Variants in PACRG observed in about 807,000 individuals in gnomAD.
PACRG encodes the protein parkin coregulated gene protein.
PACRG carries 29 observed loss-of-function variants against 29.7 expected under a neutral mutation model. The ratio of observed to expected loss-of-function variants is 0.98; its 90% CI spans 0.73 to 1.33. The LOEUF is 1.33. Among genes scored for constraint, PACRG ranks in the 40% most tolerant of loss-of-function variants. The pLI is 0.00. For synonymous variants in PACRG, 116 were observed against 118.7 expected, an observed-to-expected ratio of 0.98 and a Z score of 0.15; for missense variants, 279 against 316.2, an observed-to-expected ratio of 0.88 and a Z score of 0.89.
intron 2 of PACRG, among the ~76,000 whole-genome samples, chr6:162,976,949 A>C (rs1562796577): frequency 6.6e-6 from 1 of 152,138 alleles, no homozygotes; most frequent in African/African-American, 2.4e-5. Context: ...TTGATAACCA[A>C]TTGGAAATGA....
intron 2 of PACRG, among the ~76,000 whole-genome samples, chr6:162,856,602 C>T (rs1791421221): frequency 6.6e-6 from 1 of 151,820 alleles, no homozygotes; most frequent in Non-Finnish European, 1.5e-5. Flanking sequence ...AGAAAAAAAT[C>T]TCTCCACACA....
At chr6:163,057,290 T>A (rs1810679016) in intron 2 of PACRG, among the ~76,000 whole-genome samples, 2 of 152,210 alleles carry the variant, frequency 1.3e-5, no homozygotes, top group Admixed American at 1.3e-4. Flanking sequence ...TGGTCTCTAG[T>A]TTCCCCGTTT....
chr6:162,778,422 G>T (rs528409921), intron 1 of PACRG, among the ~76,000 whole-genome samples: 11 of 152,198 alleles, frequency 7.2e-5, no homozygotes, highest in East Asian at 1.9e-4. Context: ...TAACAAACAC[G>T]TTTAAAGCAC....
At chr6:163,289,927 A>C (rs2128186604) in intron 4 of PACRG, among the ~76,000 whole-genome samples, 1 of 151,826 alleles carries the variant, frequency 6.6e-6, no homozygotes, top group East Asian at 1.9e-4. Context: ...GGCTCACCGC[A>C]ACCTCCGCCT....
At chr6:162,863,118 G>C (rs974760658) in intron 2 of PACRG, among the ~76,000 whole-genome samples, 4 of 152,184 alleles carry the variant, frequency 2.6e-5, no homozygotes, top group African/African-American at 4.8e-5. Flanking sequence ...TGCACACACT[G>C]CATCCACAGG....
intron 2 of PACRG, among the ~76,000 whole-genome samples, chr6:162,959,961 C>A (rs1003447229): frequency 6.6e-6 from 1 of 152,108 alleles, no homozygotes; most frequent in African/African-American, 2.4e-5. Context: ...TAAACAGAAA[C>A]TTCTCAAAAG....
chr6:162,968,120 G>A (rs1801205077), intron 2 of PACRG, among the ~76,000 whole-genome samples: 1 of 152,214 alleles, frequency 6.6e-6, no homozygotes, highest in East Asian at 1.9e-4. Context: ...AATTAAGTAG[G>A]TGAATGAATC....
chr6:162,928,953 C>A (rs80102798), intron 2 of PACRG, among the ~76,000 whole-genome samples: 4 of 151,924 alleles, frequency 2.6e-5, no homozygotes, highest in African/African-American at 9.7e-5. Flanking sequence ...GGATTTCATC[C>A]TTTTTTATGC....
intron 4 of PACRG, among the ~76,000 whole-genome samples, chr6:163,269,521 G>A (rs1585385754): frequency 2.6e-5 from 4 of 152,024 alleles, no homozygotes; most frequent in Non-Finnish European, 5.9e-5. Context: ...GATTCAGTTC[G>A]CTACCTCCTA....
chr6:163,177,823 GTCCAAACAGCACACATGCT>G (rs796642003), intron 4 of PACRG, among the ~76,000 whole-genome samples: 33 of 139,056 alleles, frequency 2.4e-4, no homozygotes, highest in South Asian at 1.8e-3. Flanking sequence ...TTCCAAGCAC[GTCCAAACAGCACACATGCT>G]TCCAAACAGC....
At chr6:163,285,851 G>T (rs1285322616) in intron 4 of PACRG, among the ~76,000 whole-genome samples, 1 of 152,126 alleles carries the variant, frequency 6.6e-6, no homozygotes, top group Non-Finnish European at 1.5e-5. Flanking sequence ...CATCCGCCTC[G>T]ACCGGTTTGA....
chr6:162,817,462 G>A (rs573603247), intron 2 of PACRG, among the ~76,000 whole-genome samples: 1 of 152,156 alleles, frequency 6.6e-6, no homozygotes, highest in Non-Finnish European at 1.5e-5. Flanking sequence ...AACGTGGCAG[G>A]CTGCGTGTCA....
intron 4 of PACRG, among the ~76,000 whole-genome samples, chr6:163,279,079 G>A (rs1784145498): frequency 6.6e-6 from 1 of 152,080 alleles, no homozygotes; most frequent in African/African-American, 2.4e-5. Flanking sequence ...TAAGTATTTA[G>A]TTTTTTCTTT....
chr6:163,262,388 G>A (rs541568428), intron 4 of PACRG, among the ~76,000 whole-genome samples: 4 of 152,300 alleles, frequency 2.6e-5, no homozygotes, highest in Non-Finnish European at 4.4e-5. Flanking sequence ...TCACAGGCGG[G>A]GGAATATATA....
chr6:163,269,909 A>G (rs1562349752), intron 4 of PACRG, among the ~76,000 whole-genome samples: 1 of 86,518 alleles, frequency 1.2e-5, no homozygotes. Flanking sequence ...AAAGAAAGAA[A>G]GAAAGAAAGA....
At chr6:163,209,668 T>C (rs557564214) in intron 4 of PACRG, among the ~76,000 whole-genome samples, 1 of 152,166 alleles carries the variant, frequency 6.6e-6, no homozygotes, top group Non-Finnish European at 1.5e-5. Flanking sequence ...ATGCATGAAA[T>C]AAGCATACAT....
intron 1 of PACRG, among the ~76,000 whole-genome samples, chr6:162,769,167 TGTAATCTGCACACC>T (rs1783022472): frequency 6.6e-6 from 1 of 152,082 alleles, no homozygotes; most frequent in African/African-American, 2.4e-5. Context: ...AGACTAAACT[TGTAATCTGCACACC>T]TTTTATTTAA....
At chr6:163,284,864 C>G (rs1784342096) in intron 4 of PACRG, among the ~76,000 whole-genome samples, 1 of 152,170 alleles carries the variant, frequency 6.6e-6, no homozygotes, top group Non-Finnish European at 1.5e-5. Context: ...AGGTATCCCT[C>G]TCTCTCACTT....
intron 2 of PACRG, among the ~76,000 whole-genome samples, chr6:162,894,171 A>C (rs974325869): frequency 6.6e-6 from 1 of 152,084 alleles, no homozygotes; most frequent in Non-Finnish European, 1.5e-5. Context: ...GAATATGATA[A>C]TATTTCTACA....
Sources: allele counts gnomAD v4.1 joint callset (sites outside exome capture counted in the v4.1 genomes callset), GRCh38; gene constraint gnomAD v4.1.1; transcripts MANE v1.5; gene names NCBI Gene and HGNC (gene_info 2026-07-23, HGNC 2026-07-21).